The following GRID2 variants were observed in gnomAD, a reference collection of about 807,000 sequenced individuals.
The protein encoded by GRID2 is glutamate receptor ionotropic, delta-2.
In GRID2, 33 loss-of-function variants were observed where a neutral mutation model predicts 114.8. The observed-to-expected ratio is 0.29, with a 90% CI of 0.22 to 0.38. The LOEUF (loss-of-function observed/expected upper bound fraction) is 0.38. GRID2 is among the 10% of genes least tolerant of loss of function. The pLI, the probability that GRID2 is intolerant of heterozygous loss-of-function variation, is 1.00. For missense variants in GRID2, 1,184 were observed against 1,257.7 expected, an observed-to-expected ratio of 0.94 and a Z score of 0.89; for synonymous variants, 505 against 449.9, an observed-to-expected ratio of 1.12 and a Z score of -1.55.
chr4:92,567,956 T>C (rs1288119546), intron 1 of GRID2, among the ~76,000 whole-genome samples: 1 of 151,892 alleles, frequency 6.6e-6, no homozygotes, highest in African/African-American at 2.4e-5. Flanking sequence ...AGATATATAG[T>C]TAAGATATGT....
At chr4:93,743,683 T>G (rs1298751762) in intron 14 of GRID2, among the ~76,000 whole-genome samples, 3 of 152,104 alleles carry the variant, frequency 2.0e-5, no homozygotes, top group African/African-American at 7.2e-5. Flanking sequence ...AATAAAGTAA[T>G]AACTCACTCA....
At chr4:92,437,167 A>T (rs1226810324) in intron 1 of GRID2, among the ~76,000 whole-genome samples, 1 of 152,188 alleles carries the variant, frequency 6.6e-6, no homozygotes, top group African/African-American at 2.4e-5. Flanking sequence ...AAATTGTAAG[A>T]TTCTTTAAAT....
intron 4 of GRID2, among the ~76,000 whole-genome samples, chr4:93,149,092 G>A (rs1459448052): frequency 6.6e-6 from 1 of 152,052 alleles, no homozygotes; most frequent in African/African-American, 2.4e-5. Flanking sequence ...TATGCCACTA[G>A]TTTGTGACCC....
At chr4:92,781,488 A>G (rs1238484346) in intron 2 of GRID2, among the ~76,000 whole-genome samples, 1 of 152,106 alleles carries the variant, frequency 6.6e-6, no homozygotes, top group Non-Finnish European at 1.5e-5. Context: ...AGAGATTGAA[A>G]TCTTCAAAGT....
At chr4:92,578,721 T>TATCAATCA (rs1553902708) in intron 1 of GRID2, among the ~76,000 whole-genome samples, 1 of 138,412 alleles carries the variant, frequency 7.2e-6, no homozygotes, top group Non-Finnish European at 1.6e-5. Flanking sequence ...TATCATTATC[T>TATCAATCA]ATCTATCTAT....
At chr4:92,347,462 C>A (rs1353361554) in intron 1 of GRID2, among the ~76,000 whole-genome samples, 1 of 152,152 alleles carries the variant, frequency 6.6e-6, no homozygotes, top group African/African-American at 2.4e-5. Flanking sequence ...CTATTTACTT[C>A]TCTGGTTGAT....
chr4:92,318,799 A>G (rs1276052604), intron 1 of GRID2, among the ~76,000 whole-genome samples: 1 of 152,080 alleles, frequency 6.6e-6, no homozygotes, highest in Non-Finnish European at 1.5e-5. Context: ...AGCAAGTCAG[A>G]GAAGAATTCA....
intron 8 of GRID2, among the ~76,000 whole-genome samples, chr4:93,358,575 A>G (rs990125546): frequency 6.6e-6 from 1 of 152,032 alleles, no homozygotes; most frequent in Non-Finnish European, 1.5e-5. Context: ...TCTGACCATA[A>G]TGCAATAACT....
At chr4:93,433,456 A>C (rs1414725009) in intron 10 of GRID2, among the ~76,000 whole-genome samples, 1 of 152,228 alleles carries the variant, frequency 6.6e-6, no homozygotes, top group Non-Finnish European at 1.5e-5. Context: ...TCATTAATAA[A>C]TAACAAAAAA....
chr4:93,260,518 A>AATTTAAGTAAAGGAAAGAGGT (rs1561056963), intron 8 of GRID2, among the ~76,000 whole-genome samples: 3 of 151,694 alleles, frequency 2.0e-5, no homozygotes, highest in Non-Finnish European at 4.4e-5. Context: ...AATTTAAGTT[A>AATTTAAGTAAAGGAAAGAGGT]ATTTAAGTAA....
intron 9 of GRID2, among the ~76,000 whole-genome samples, chr4:93,411,611 T>C (rs1767143869): frequency 6.6e-6 from 1 of 152,010 alleles, no homozygotes; most frequent in Admixed American, 6.6e-5. Flanking sequence ...ATTTTTGTAG[T>C]TTTAGTAGAG....
intron 13 of GRID2, among the ~76,000 whole-genome samples, chr4:93,550,063 T>C (rs1012476402): frequency 6.6e-6 from 1 of 152,124 alleles, no homozygotes; most frequent in Non-Finnish European, 1.5e-5. Context: ...TCTTCACTTA[T>C]CCTTTAGTTC....
intron 8 of GRID2, among the ~76,000 whole-genome samples, chr4:93,302,204 AT>A (rs1369882662): frequency 6.6e-6 from 1 of 152,196 alleles, no homozygotes; most frequent in Admixed American, 6.5e-5. Flanking sequence ...ATTATTAAAC[AT>A]TTTATACATG....
chr4:93,638,434 A>C (rs1721629570), intron 14 of GRID2, among the ~76,000 whole-genome samples: 1 of 40,880 alleles, frequency 2.4e-5, no homozygotes, highest in Non-Finnish European at 4.5e-5. Flanking sequence ...CATTAGGTAT[A>C]TCTCCCAATG....
intron 2 of GRID2, among the ~76,000 whole-genome samples, chr4:92,673,987 TAAATAAAA>T (rs1057199304): frequency 1.2e-4 from 18 of 150,330 alleles, no homozygotes; most frequent in Non-Finnish European, 2.2e-4. Flanking sequence ...AAATAAAAAA[TAAATAAAA>T]AAAGAAGGCA....
intron 2 of GRID2, among the ~76,000 whole-genome samples, chr4:92,663,860 G>T (rs911263641): frequency 1.3e-5 from 2 of 151,064 alleles, no homozygotes; most frequent in South Asian, 2.1e-4. Context: ...TTTTGGCTAC[G>T]CTGAGTACCT....
intron 14 of GRID2, among the ~76,000 whole-genome samples, chr4:93,670,394 A>G (rs11937509): frequency 0.017 from 2,564 of 152,200 alleles, 79 homozygotes; most frequent in African/African-American, 0.059. Context: ...ATTTTTTTCT[A>G]ATATACTGAT....
chr4:93,686,395 T>C (rs983204189), intron 14 of GRID2, among the ~76,000 whole-genome samples: 7 of 151,964 alleles, frequency 4.6e-5, no homozygotes, highest in Non-Finnish European at 8.8e-5. Flanking sequence ...TTCAGTCTCC[T>C]ACCTCTGCAG....
At position 93,211,515 on chromosome 4, in the gene GRID2, A is replaced by G. The variant is rs987863676; in HGVS notation, c.789+4058A>G. ...AACAAAGCAATCTCACTGGTAAATA[A>G]CTCAATACATGTTAGAAGTCTAGGA... is the stretch of plus-strand genomic sequence containing the variant. On this transcript the variant is annotated intron_variant, in intron 5 of 15. Transcript: ENST00000282020. Among the ~76,000 whole-genome samples, 9 of 152,228 alleles carry G rather than the reference A, an allele frequency of 5.9e-5. No homozygotes were observed. In the South Asian group the frequency reaches 1.9e-3, roughly 32 times the overall value.
Sources: gnomAD v4.1 joint callset for allele counts (sites outside exome capture counted in the v4.1 genomes callset) on GRCh38, gnomAD v4.1.1 for gene constraint, MANE v1.5 for transcripts, NCBI Gene and HGNC (gene_info 2026-07-23, HGNC 2026-07-21) for gene names.